SLC39A11: variants seen among roughly 807,000 people sequenced by gnomAD.
SLC39A11 encodes the protein solute carrier family 39 member 11.
Under a neutral mutation model 36.1 loss-of-function variants are expected in SLC39A11, and 33 were observed. The ratio of observed to expected loss-of-function variants is 0.91; its 90% CI spans 0.69 to 1.22. The LOEUF (loss-of-function observed/expected upper bound fraction) is 1.22. Ranked by LOEUF, SLC39A11 falls within the 50% of genes most tolerant of loss-of-function variation. The pLI, the probability that SLC39A11 is intolerant of heterozygous loss-of-function variation, is 0.00. For missense variants in SLC39A11, 432 were observed against 430.3 expected, an observed-to-expected ratio of 1.00 and a Z score of -0.03; for synonymous variants, 166 against 170.3, an observed-to-expected ratio of 0.97 and a Z score of 0.20.
At chr17:72,728,584 C>T (rs995576503) in intron 7 of SLC39A11, among the ~76,000 whole-genome samples, 1 of 152,210 alleles carries the variant, frequency 6.6e-6, no homozygotes, top group Non-Finnish European at 1.5e-5. Context: ...CACTGTAGCA[C>T]ATATGGAGCC....
rs114350659 is a variant in SLC39A11, at chr17:72,844,994, G to A, written c.601+4640C>T. Reference sequence around the variant, plus strand: ...ATCCAATCCATCGGCAAATCCCATTGGCTCCACCTTCAATCGGGACCCAGG... The same window carrying A: ...ATCCAATCCATCGGCAAATCCCATTAGCTCCACCTTCAATCGGGACCCAGG... On this transcript the variant is annotated intron_variant, in intron 6 of 9. Coordinates refer to ENST00000255559, the MANE Select transcript of SLC39A11 (RefSeq NM_139177.4). Among the ~76,000 whole-genome samples, 480 of 152,214 alleles carry A rather than the reference G, an allele frequency of 3.2e-3. 1 individual carries two copies. Among genetic ancestry groups the A allele is most frequent in the African/African-American group, 9.9e-3 (412 of 41,524 alleles).
intron 4 of SLC39A11, among the ~76,000 whole-genome samples, chr17:73,007,315 G>A (rs1487660568): frequency 6.6e-6 from 1 of 152,178 alleles, no homozygotes; most frequent in Non-Finnish European, 1.5e-5. Context: ...CAGCTACTCA[G>A]GAGGCTGAGG....
At chr17:73,067,396 C>T (rs9674527) in intron 3 of SLC39A11, among the ~76,000 whole-genome samples, 1,542 of 152,268 alleles carry the variant, frequency 0.01, 23 homozygotes, top group African/African-American at 0.034. Flanking sequence ...TACCTTGGGT[C>T]AGAAAGACAA....
chr17:72,881,543 T>C (rs2081195653), intron 5 of SLC39A11, among the ~76,000 whole-genome samples: 1 of 152,234 alleles, frequency 6.6e-6, no homozygotes, highest in South Asian at 2.1e-4. Flanking sequence ...TGGGTATTAT[T>C]ACTCTACCAA....
At chr17:72,874,645 C>A (rs935234051) in intron 5 of SLC39A11, among the ~76,000 whole-genome samples, 1 of 152,152 alleles carries the variant, frequency 6.6e-6, no homozygotes. Context: ...CCTTCAAAAC[C>A]TTGCTTCCAA....
rs763434176 is a variant in SLC39A11 at position 73,014,379 on chromosome 17, C to T, written c.306+17177G>A. Among the ~76,000 whole-genome samples the T allele has an allele frequency of 6.6e-5, 10 of 152,274 alleles. No homozygotes were observed. In the South Asian group the frequency reaches 1.0e-3, roughly 16 times the overall value. ...CTGAGTAACTATCAAAAACTAGATA[C>T]GGGCACAGTGCCTCATGCCTGTAAT... is the stretch of plus-strand genomic sequence containing the variant. On this transcript the variant is annotated intron_variant, in intron 4 of 9. Coordinates refer to ENST00000255559, the MANE Select transcript of SLC39A11 (RefSeq NM_139177.4).
At chr17:72,762,698 G>C (rs1010137925) in intron 6 of SLC39A11, among the ~76,000 whole-genome samples, 10 of 152,258 alleles carry the variant, frequency 6.6e-5, no homozygotes, top group African/African-American at 2.4e-4. Context: ...TCTGGATCAG[G>C]ACCCCTTTCC....
chr17:72,941,716 C>A (rs948369264), intron 5 of SLC39A11, among the ~76,000 whole-genome samples: 2 of 152,114 alleles, frequency 1.3e-5, no homozygotes, highest in Non-Finnish European at 2.9e-5. Flanking sequence ...ATGCTGCCTG[C>A]ACAGATCCCT....
At chr17:72,895,357 T>C (rs1476232321) in intron 5 of SLC39A11, among the ~76,000 whole-genome samples, 1 of 152,080 alleles carries the variant, frequency 6.6e-6, no homozygotes, top group Non-Finnish European at 1.5e-5. Context: ...GGTGGGAGGA[T>C]CACCTGAGGT....
chr17:72,742,625 C>G (rs761892755), intron 6 of SLC39A11, among the ~76,000 whole-genome samples: 1 of 152,226 alleles, frequency 6.6e-6, no homozygotes, highest in South Asian at 2.1e-4. Flanking sequence ...CCATAAACAA[C>G]AGCTGGTTGA....
At chr17:73,047,961 C>T (rs1442766014) in intron 3 of SLC39A11, among the ~76,000 whole-genome samples, 3 of 43,990 alleles carry the variant, frequency 6.8e-5, no homozygotes, top group South Asian at 2.2e-3. Context: ...AGCAAGACTC[C>T]ATCTCAAAAA....
At chr17:72,845,372 TG>T (rs1054041401) in intron 6 of SLC39A11, among the ~76,000 whole-genome samples, 1 of 152,198 alleles carries the variant, frequency 6.6e-6, no homozygotes, top group African/African-American at 2.4e-5. Flanking sequence ...CTACTCCTTG[TG>T]GGGGCCAGAC....
intron 5 of SLC39A11, among the ~76,000 whole-genome samples, chr17:72,886,491 C>T (rs1380158868): frequency 6.6e-6 from 1 of 152,150 alleles, no homozygotes; most frequent in Admixed American, 6.5e-5. Context: ...ATCCCATCAG[C>T]TCAACATTCA....
intron 5 of SLC39A11, among the ~76,000 whole-genome samples, chr17:72,892,687 T>C (rs1191683810): frequency 1.3e-5 from 2 of 152,190 alleles, no homozygotes; most frequent in Non-Finnish European, 2.9e-5. Flanking sequence ...TCAATTTCTG[T>C]TGATTCTAGG....
At chr17:72,923,158 C>G (rs1222245464) in intron 5 of SLC39A11, among the ~76,000 whole-genome samples, 2 of 152,050 alleles carry the variant, frequency 1.3e-5, no homozygotes, top group East Asian at 3.9e-4. Context: ...TTACTCAATC[C>G]TCCCCTTTGC....
rs184751726 is a variant in SLC39A11 at position 72,916,060 on chromosome 17, T to C, written c.430+31692A>G. ...ATTGTGTGTGGAGCTGCTCCATCTT[T>C]TGGAACAAAGAGAACTTCTGCTCAA... On this transcript the variant is annotated intron_variant, in intron 5 of 9. Transcript: ENST00000255559. Among the ~76,000 whole-genome samples, 390 of 152,264 alleles carry C rather than the reference T, an allele frequency of 2.6e-3. 3 individuals are homozygous for C. The highest frequency in any genetic ancestry group is 9.1e-3 in the African/African-American group (380 of 41,540).
intron 3 of SLC39A11, among the ~76,000 whole-genome samples, chr17:73,071,468 T>C (rs1018725258): frequency 1.3e-5 from 2 of 152,130 alleles, no homozygotes; most frequent in African/African-American, 4.8e-5. Context: ...GCAAGCCCTG[T>C]TTGGGAGGGT....
intron 7 of SLC39A11, among the ~76,000 whole-genome samples, chr17:72,651,595 G>A (rs996519583): frequency 2.6e-5 from 4 of 152,190 alleles, no homozygotes; most frequent in African/African-American, 9.7e-5. Flanking sequence ...CCTAGGGTGG[G>A]GTTGGGGGAA....
intron 4 of SLC39A11, among the ~76,000 whole-genome samples, chr17:72,975,300 G>A (rs2087762765): frequency 6.6e-6 from 1 of 152,186 alleles, no homozygotes; most frequent in South Asian, 2.1e-4. Context: ...TTAGCCAGGT[G>A]TGGTGGTGCA....
Sources: allele counts gnomAD v4.1 joint callset (sites outside exome capture counted in the v4.1 genomes callset), GRCh38; gene constraint gnomAD v4.1.1; transcripts MANE v1.5; gene names NCBI Gene and HGNC (gene_info 2026-07-23, HGNC 2026-07-21).